LSAMP: variants seen among roughly 807,000 people sequenced by gnomAD.
LSAMP encodes the protein limbic system-associated membrane protein.
Under a neutral mutation model 38.6 loss-of-function variants are expected in LSAMP, and 7 were observed. That is an observed-to-expected ratio of 0.18 (90% CI 0.10 to 0.34). The LOEUF (loss-of-function observed/expected upper bound fraction) is 0.34, where lower values mean the gene tolerates loss of function less well. LSAMP is among the 10% of genes least tolerant of loss of function. The pLI is 1.00. For synonymous variants in LSAMP, 154 were observed against 166.8 expected, an observed-to-expected ratio of 0.92 and a Z score of 0.59; for missense variants, 313 against 420.0, an observed-to-expected ratio of 0.75 and a Z score of 2.23.
In LSAMP at chr3:116,251,917, C is replaced by T. The variant is rs554397173; in HGVS notation, c.156-165361G>A. 1.2e-4 allele frequency among the ~76,000 whole-genome samples: 19 copies of T among 152,300 alleles called. No homozygotes were observed. The South Asian group carries it at 3.9e-3, about 32-fold the overall frequency. On this transcript the variant is annotated intron_variant, in intron 1 of 6. Coordinates refer to ENST00000490035, the MANE Select transcript of LSAMP (RefSeq NM_002338.5). ...TGAAAAACTCATTCTGCTTCTCATA[C>T]ATTTGACCAATAGTGACAAATCACC...
intron 2 of LSAMP, among the ~76,000 whole-genome samples, chr3:116,030,068 G>T (rs1488884510): frequency 6.6e-6 from 1 of 152,112 alleles, no homozygotes; most frequent in East Asian, 1.9e-4. Context: ...ACCAACCAGT[G>T]GTGAATGTTC....
intron 1 of LSAMP, among the ~76,000 whole-genome samples, chr3:116,185,030 C>CTTTTTTTTTTTTTTT (rs368314567): frequency 1.7e-4 from 20 of 117,728 alleles, no homozygotes; most frequent in Non-Finnish European, 2.3e-4. Flanking sequence ...TTCTTTCTTT[C>CTTTTTTTTTTTTTTT]TTTTTTTTTT....
In LSAMP at chr3:116,228,172, T is replaced by C. The variant is rs549194206; in HGVS notation, c.156-141616A>G. ...ATTTTTCTAATATTCATCAAAACTC[T>C]TCTTGTAGAGATTGCAATGTATTAG... On this transcript the variant is annotated intron_variant, in intron 1 of 6. Transcript: ENST00000490035. Among the ~76,000 whole-genome samples the C allele has an allele frequency of 9.9e-5, 15 of 152,248 alleles. No individual in the cohort carries two copies. In the East Asian group the frequency reaches 2.9e-3, roughly 29 times the overall value.
In LSAMP at chr3:116,299,686, G is replaced by A. The variant is rs1055486393; in HGVS notation, c.155+145191C>T. 3.9e-5 allele frequency among the ~76,000 whole-genome samples: 6 copies of A among 152,170 alleles called. No individual in the cohort carries two copies. The East Asian group carries it at 9.6e-4, about 24-fold the overall frequency. On this transcript the variant is annotated intron_variant, in intron 1 of 6. Transcript: ENST00000490035. ...CACATCAGCACTGGACCCAGCTAAAGGGCAGAGATTCAGAGATCCCCAACT... is the reference window on the plus strand; with the variant it reads ...CACATCAGCACTGGACCCAGCTAAAAGGCAGAGATTCAGAGATCCCCAACT...
intron 1 of LSAMP, among the ~76,000 whole-genome samples, chr3:116,435,508 C>T (rs556856222): frequency 1.3e-5 from 2 of 152,066 alleles, no homozygotes; most frequent in Non-Finnish European, 2.9e-5. Context: ...TCTCTGCCTC[C>T]ACCTCTCACT....
chr3:115,925,220 G>A (rs530163004), intron 3 of LSAMP, among the ~76,000 whole-genome samples: 17 of 152,284 alleles, frequency 1.1e-4, no homozygotes, highest in African/African-American at 4.1e-4. Flanking sequence ...GTCCACACAT[G>A]TGTTCACAAA....
intron 2 of LSAMP, among the ~76,000 whole-genome samples, chr3:116,056,856 T>C (rs1482192932): frequency 6.6e-6 from 1 of 152,180 alleles, no homozygotes; most frequent in Non-Finnish European, 1.5e-5. Context: ...ATTCATTGAT[T>C]TGCAGATTCA....
intron 1 of LSAMP, among the ~76,000 whole-genome samples, chr3:116,292,593 T>G (rs1206062390): frequency 6.6e-6 from 1 of 152,208 alleles, no homozygotes; most frequent in East Asian, 1.9e-4. Context: ...TTGGAGTTTA[T>G]AATTTGTGGC....
chr3:116,281,860 C>A (rs893541636), intron 1 of LSAMP, among the ~76,000 whole-genome samples: 4 of 152,114 alleles, frequency 2.6e-5, no homozygotes, highest in African/African-American at 9.7e-5. Context: ...TACTAACCAA[C>A]AAATGTTAGT....
chr3:116,444,900 C>T lies in LSAMP; in HGVS notation c.132G>A (p.Arg44=), dbSNP rs2049488565. Residue 44 remains arginine (R), a synonymous_variant, in exon 1 of 7, where the codon AGG becomes AGA. Transcript: ENST00000490035. The part of the protein sequence containing the change: ...FNRGTDNITV[R]QGDTAILRCV... ...ACCTGAGGATGGCTGTGTCCCCCTGCCTCACGGTGATGTTGTCCGTGCCTC... is the reference window on the plus strand; with the variant it reads ...ACCTGAGGATGGCTGTGTCCCCCTGTCTCACGGTGATGTTGTCCGTGCCTC... 3 of 1,614,100 alleles carry T rather than the reference C, an allele frequency of 1.9e-6. No individual in the cohort carries two copies. The highest frequency in any genetic ancestry group is 1.1e-5 in the South Asian group (1 of 91,084).
At chr3:116,152,229 T>C (rs534000894) in intron 1 of LSAMP, among the ~76,000 whole-genome samples, 1 of 152,220 alleles carries the variant, frequency 6.6e-6, no homozygotes, top group Admixed American at 6.5e-5. Flanking sequence ...CTACTATTAA[T>C]AGACAGAAAA....
At chr3:116,072,788 G>A (rs1405003235) in intron 2 of LSAMP, among the ~76,000 whole-genome samples, 4 of 101,144 alleles carry the variant, frequency 4.0e-5, no homozygotes, top group Admixed American at 2.8e-4. Context: ...TAAGTTCCTT[G>A]TAGACTCTGA....
At chr3:116,230,052 TAAGA>T (rs1372184719) in intron 1 of LSAMP, among the ~76,000 whole-genome samples, 1 of 152,126 alleles carries the variant, frequency 6.6e-6, no homozygotes, top group Non-Finnish European at 1.5e-5. Context: ...GGCAGAAGAA[TAAGA>T]AAGTGTTGAG....
At chr3:116,419,204 A>C (rs904108683) in intron 1 of LSAMP, among the ~76,000 whole-genome samples, 15 of 152,356 alleles carry the variant, frequency 9.8e-5, no homozygotes, top group Middle Eastern at 3.4e-3. Context: ...TACTGCCTGG[A>C]GTTCCCTACT....
chr3:116,127,361 T>C (rs1182534176), intron 1 of LSAMP, among the ~76,000 whole-genome samples: 1 of 152,220 alleles, frequency 6.6e-6, no homozygotes, highest in African/African-American at 2.4e-5. Context: ...TCTTCCCATC[T>C]ATACATCCCA....
At position 116,029,776 on chromosome 3, in the gene LSAMP, G is replaced by C. The variant is rs568161244; in HGVS notation, c.389-10136C>G. 2.6e-5 allele frequency among the ~76,000 whole-genome samples: 4 copies of C among 152,168 alleles called. No homozygotes were observed. The South Asian group carries it at 8.3e-4, about 32-fold the overall frequency. ...TAGTGCTTGAAGCTTCAGTTATGTA[G>C]TCCTCCGAGATGTAGCCAGCATTTT... On this transcript the variant is annotated intron_variant, in intron 2 of 6. Coordinates refer to ENST00000490035, the MANE Select transcript of LSAMP (RefSeq NM_002338.5).
intron 2 of LSAMP, among the ~76,000 whole-genome samples, chr3:116,045,823 T>G (rs1488641205): frequency 6.6e-6 from 1 of 152,214 alleles, no homozygotes; most frequent in African/African-American, 2.4e-5. Flanking sequence ...ATGCCTACTT[T>G]ACACATAATT....
chr3:116,164,037 C>G (rs1235206728), intron 1 of LSAMP, among the ~76,000 whole-genome samples: 1 of 151,984 alleles, frequency 6.6e-6, no homozygotes, highest in East Asian at 1.9e-4. Context: ...GTATTACTGA[C>G]TTTCGTTTTG....
At chr3:116,264,020 A>C (rs1325988505) in intron 1 of LSAMP, among the ~76,000 whole-genome samples, 1 of 152,188 alleles carries the variant, frequency 6.6e-6, no homozygotes, top group Non-Finnish European at 1.5e-5. Context: ...CTGCTTCCAA[A>C]CAGGATGGCA....
Sources: allele counts gnomAD v4.1 joint callset (sites outside exome capture counted in the v4.1 genomes callset), GRCh38; gene constraint gnomAD v4.1.1; transcripts MANE v1.5; gene names NCBI Gene and HGNC (gene_info 2026-07-23, HGNC 2026-07-21).